KCNH1: variants seen among roughly 807,000 people sequenced by gnomAD.
KCNH1 encodes potassium voltage-gated channel subfamily H member 1.
A neutral mutation model predicts 69.2 loss-of-function variants in KCNH1; 27 were observed. The observed-to-expected ratio is 0.39, with a 90% CI of 0.29 to 0.54. KCNH1 has a LOEUF of 0.54. Among genes scored for constraint, KCNH1 ranks in the 20% least tolerant of loss-of-function variants. The pLI is 0.68. For synonymous variants in KCNH1, 456 were observed against 487.7 expected (o/e 0.93, Z 0.86); for missense variants, 798 against 1,261.6 (o/e 0.63, Z 5.57).
chr1:211,007,132 A>G (rs1689300405), intron 6 of KCNH1, among the ~76,000 whole-genome samples: 1 of 152,200 alleles, frequency 6.6e-6, no homozygotes, highest in Non-Finnish European at 1.5e-5. Flanking sequence ...AGAGGCTAAC[A>G]CTAAGTCTGT....
rs949229665 is a variant in KCNH1, at chr1:210,933,940, C to T, written c.1033-13871G>A. Among the ~76,000 whole-genome samples, 4 of 152,118 alleles carry T rather than the reference C, an allele frequency of 2.6e-5. 1 individual carries two copies. In the South Asian group the frequency reaches 6.2e-4, roughly 24 times the overall value. ...CCAAGGACATACATTGGGGAAAGGA[C>T]AGTATCTTCAATAAATGATGTTGGG... On this transcript the variant is annotated intron_variant, in intron 6 of 10. Transcript: ENST00000271751.
At chr1:211,112,316 C>T (rs1422969872) in intron 1 of KCNH1, among the ~76,000 whole-genome samples, 3 of 142,228 alleles carry the variant, frequency 2.1e-5, no homozygotes, top group Non-Finnish European at 4.6e-5. Flanking sequence ...ACCCCTCCCC[C>T]GGGGCCCGGG....
chr1:211,108,850 A>C (rs558579954), intron 1 of KCNH1, among the ~76,000 whole-genome samples: 103 of 152,308 alleles, frequency 6.8e-4, no homozygotes, highest in Middle Eastern at 3.4e-3. Context: ...CCATATATAC[A>C]TAAATTGTTC....
intron 7 of KCNH1, among the ~76,000 whole-genome samples, chr1:210,871,189 G>T (rs1172662181): frequency 3.9e-5 from 6 of 152,018 alleles, no homozygotes; most frequent in Admixed American, 6.6e-5. Flanking sequence ...TACAATGAAT[G>T]CAAACAAATT....
Position 211,107,214 on chromosome 1 carries a change from A to G in KCNH1, c.203+40T>C, listed in dbSNP as rs759847371. ...CCATTTTCTTTTTCCAAAAGATACC[A>G]TAATAGATTGTTCACCAGAACAACT... is the stretch of plus-strand genomic sequence containing the variant. On this transcript the variant is annotated intron_variant, in intron 2 of 10. Coordinates refer to ENST00000271751, the MANE Select transcript of KCNH1 (RefSeq NM_172362.3). The G allele has an allele frequency of 2.9e-5, 47 of 1,610,718 alleles. No individual in the cohort carries two copies. In the South Asian group the frequency reaches 4.6e-4, roughly 16 times the overall value.
At chr1:210,999,499 C>A (rs150296552) in intron 6 of KCNH1, among the ~76,000 whole-genome samples, 9,330 of 152,156 alleles carry the variant, frequency 0.061, 422 homozygotes, top group East Asian at 0.19. Flanking sequence ...CAATAACAGG[C>A]TCTGAAATTG....
chr1:210,958,609 T>C (rs567064535), intron 6 of KCNH1, among the ~76,000 whole-genome samples: 1 of 152,330 alleles, frequency 6.6e-6, no homozygotes, highest in African/African-American at 2.4e-5. Context: ...TGTTCATTTC[T>C]TTTTACTCTT....
chr1:210,799,727 T>G (rs1451014132), intron 8 of KCNH1, among the ~76,000 whole-genome samples: 1 of 152,204 alleles, frequency 6.6e-6, no homozygotes, highest in East Asian at 1.9e-4. Context: ...AAGTTCTGGG[T>G]ACTTTCCCAC....
intron 5 of KCNH1, among the ~76,000 whole-genome samples, chr1:211,036,332 T>C (rs904375676): frequency 3.3e-5 from 5 of 152,172 alleles, no homozygotes; most frequent in Non-Finnish European, 5.9e-5. Context: ...GGCCTGATGG[T>C]TGGTTTCCTG....
At chr1:210,806,823 AAAAAAAAAAAAAAAT>A (rs1388132339) in intron 7 of KCNH1, among the ~76,000 whole-genome samples, 2,284 of 70,528 alleles carry the variant, frequency 0.032, 224 homozygotes, top group Middle Eastern at 0.064. Flanking sequence ...AAAAAAAAAA[AAAAAAAAAAAAAAAT>A]ATATATATAT....
intron 5 of KCNH1, among the ~76,000 whole-genome samples, chr1:211,042,920 T>C (rs929012905): frequency 6.6e-6 from 1 of 152,050 alleles, no homozygotes; most frequent in African/African-American, 2.4e-5. Context: ...AGAACAACAA[T>C]AGTGACACAA....
chr1:210,726,810 C>CA (rs58908884), intron 10 of KCNH1, among the ~76,000 whole-genome samples: 12,408 of 146,708 alleles, frequency 0.085, 575 homozygotes, highest in Middle Eastern at 0.15. Flanking sequence ...AGTTCCCCGG[C>CA]GGGGGTGGGG....
At chr1:210,957,834 T>C (rs1688209086) in intron 6 of KCNH1, among the ~76,000 whole-genome samples, 2 of 152,174 alleles carry the variant, frequency 1.3e-5, no homozygotes, top group Non-Finnish European at 2.9e-5. Context: ...GTCTCCTGAA[T>C]ACAGCACACT....
chr1:210,940,973 G>T (rs1687865881), intron 6 of KCNH1, among the ~76,000 whole-genome samples: 2 of 152,308 alleles, frequency 1.3e-5, no homozygotes, highest in African/African-American at 2.4e-5. Flanking sequence ...GTATGTCAGG[G>T]TCTGGTGGGG....
intron 7 of KCNH1, chr1:210,859,228 A>C: frequency 6.2e-7 from 1 of 1,612,470 alleles, no homozygotes; most frequent in East Asian, 2.2e-5. Flanking sequence ...GCACAACTGG[A>C]GCACTGAATT....
In KCNH1 at chr1:211,096,149, C is replaced by T. The variant is rs1334180663; in HGVS notation, c.311-5459G>A. Among the ~76,000 whole-genome samples the T allele has an allele frequency of 7.2e-5, 11 of 152,142 alleles. No homozygotes were observed. In the East Asian group the frequency reaches 1.4e-3, roughly 19 times the overall value. On this transcript the variant is annotated intron_variant, in intron 3 of 10. Coordinates refer to ENST00000271751, the MANE Select transcript of KCNH1 (RefSeq NM_172362.3). ...CGCAATCTCAGCTCACTGCAACTTCCACCTCCCAGGCTCAAGCGATTCTCC... is the reference window on the plus strand; with the variant it reads ...CGCAATCTCAGCTCACTGCAACTTCTACCTCCCAGGCTCAAGCGATTCTCC...
intron 10 of KCNH1, among the ~76,000 whole-genome samples, chr1:210,720,084 G>A (rs1574209066): frequency 1.3e-5 from 2 of 152,184 alleles, no homozygotes; most frequent in South Asian, 4.1e-4. Context: ...AAAGCAGATG[G>A]GACATTCTAT....
chr1:210,812,034 C>T (rs371160401), intron 7 of KCNH1, among the ~76,000 whole-genome samples: 2 of 152,116 alleles, frequency 1.3e-5, no homozygotes, highest in Non-Finnish European at 2.9e-5. Context: ...CTAACAAGAT[C>T]CCAGGTGATA....
At chr1:211,008,969 C>T (rs564580454) in intron 6 of KCNH1, among the ~76,000 whole-genome samples, 3 of 152,162 alleles carry the variant, frequency 2.0e-5, no homozygotes, top group South Asian at 2.1e-4. Flanking sequence ...AATCATGTAA[C>T]GTTGAGCAAA....
Sources: gnomAD v4.1 joint callset for allele counts (sites outside exome capture counted in the v4.1 genomes callset) on GRCh38, gnomAD v4.1.1 for gene constraint, MANE v1.5 for transcripts, NCBI Gene and HGNC (gene_info 2026-07-23, HGNC 2026-07-21) for gene names.